The following CMYA5 variants were observed in gnomAD, a reference collection of about 807,000 sequenced individuals.
CMYA5 encodes cardiomyopathy associated 5.
A neutral mutation model predicts 318.9 loss-of-function variants in CMYA5; 246 were observed. That is an observed-to-expected ratio of 0.77 (90% confidence interval 0.70 to 0.86). The LOEUF (loss-of-function observed/expected upper bound fraction) is 0.86. Ranked by LOEUF, CMYA5 falls within the 40% of genes least tolerant of loss-of-function variation. CMYA5 has a pLI of 0.00. For synonymous variants in CMYA5, 1,641 were observed against 1,729.5 expected (o/e 0.95, Z 1.27); for missense variants, 4,589 against 4,678.2 (o/e 0.98, Z 0.56).
In CMYA5 at chr5:79,735,833, A is replaced by G; in HGVS notation, c.7068A>G (p.Lys2356=). Residue 2356 remains lysine, a synonymous_variant, in exon 2 of 13, where the codon AAA becomes AAG. Coordinates refer to ENST00000446378, the MANE Select transcript of CMYA5 (RefSeq NM_153610.5). ...VQKPAIAPPS[K]WNISIFKEEP... ...AGCCAGCAATCGCTCCTCCATCTAAATGGAATATTTCTATTTTTAAGGAAG... is the reference window on the plus strand; with the variant it reads ...AGCCAGCAATCGCTCCTCCATCTAAGTGGAATATTTCTATTTTTAAGGAAG... 1 of 1,553,066 alleles carries G rather than the reference A, an allele frequency of 6.4e-7. No individual in the cohort carries two copies.
intron 3 of CMYA5, among the ~76,000 whole-genome samples, chr5:79,744,317 A>C (rs1428534631): frequency 2.6e-5 from 4 of 152,224 alleles, no homozygotes; most frequent in Non-Finnish European, 5.9e-5. Context: ...TTAACTCTGC[A>C]GAAATGCTCT....
chr5:79,750,735 G>C (rs772896344), intron 5 of CMYA5, among the ~76,000 whole-genome samples: 5 of 151,792 alleles, frequency 3.3e-5, no homozygotes, highest in Admixed American at 6.6e-5. Flanking sequence ...TTTTTTCTCC[G>C]TTTTGCTCTT....
At position 79,735,044 on chromosome 5, in the gene CMYA5, A is replaced by G. The variant is rs765794787; in HGVS notation, c.6279A>G (p.Thr2093=). The part of the protein sequence containing the change: ...LGNEKEAHRS[T]PPFPEEKPLE... Reference sequence around the variant, plus strand: ...ATGAAAAAGAAGCACACAGGAGCACACCTCCTTTTCCTGAAGAGAAGCCAT... The same window carrying G: ...ATGAAAAAGAAGCACACAGGAGCACGCCTCCTTTTCCTGAAGAGAAGCCAT... Residue 2093 remains threonine (T), a synonymous_variant, in exon 2 of 13, where the codon ACA becomes ACG. Coordinates refer to ENST00000446378, the MANE Select transcript of CMYA5 (RefSeq NM_153610.5). 4 of 1,613,752 alleles carry G rather than the reference A, an allele frequency of 2.5e-6. No individual in the cohort carries two copies. The highest frequency in any genetic ancestry group is 1.1e-5 in the South Asian group (1 of 91,076).
Position 79,735,121 on chromosome 5 carries a change from G to T in CMYA5, c.6356G>T (p.Gly2119Val), listed in dbSNP as rs943397209. ...QSKVIDDADE[G>V]KKPSPEVKIP... Reference sequence around the variant, plus strand: ...AAGGTTATTGATGATGCTGATGAGGGAAAGAAACCATCACCTGAAGTAAAA... The same window carrying T: ...AAGGTTATTGATGATGCTGATGAGGTAAAGAAACCATCACCTGAAGTAAAA... The change falls in exon 2 of 13, where the codon GGA becomes GTA. Residue 2119 changes from glycine to valine, a missense_variant. By Grantham distance (109) the Gly-to-Val change is moderately radical. Transcript: ENST00000446378. The T allele has an allele frequency of 6.2e-7, 1 of 1,613,632 alleles. No individual in the cohort carries two copies. The highest frequency in any genetic ancestry group is 1.3e-5 in the African/African-American group (1 of 74,884).
At chr5:79,774,967 T>C (rs1828913660) in intron 9 of CMYA5, among the ~76,000 whole-genome samples, 1 of 152,332 alleles carries the variant, frequency 6.6e-6, no homozygotes, top group East Asian at 1.9e-4. Context: ...AGCAAGAGAT[T>C]GGAGCTTCCT....
chr5:79,702,260 T>C lies in CMYA5; in HGVS notation c.149+12204T>C, dbSNP rs182950507. On this transcript the variant is annotated intron_variant, in intron 1 of 12. Transcript: ENST00000446378. ...AAAAAATTTAAAAATTAGCTGAGCA[T>C]GGTATAGTTCTAGCTATTCTGGAGT... Among the ~76,000 whole-genome samples the C allele has an allele frequency of 2.0e-5, 3 of 152,206 alleles. No homozygotes were observed. In the East Asian group the frequency reaches 5.8e-4, roughly 29 times the overall value.
rs1056676065 is a variant in CMYA5 at position 79,769,696 on chromosome 5, C to G, written c.11555+6487C>G. Among the ~76,000 whole-genome samples the G allele has an allele frequency of 5.3e-5, 8 of 152,268 alleles. No individual in the cohort carries two copies. In the East Asian group the frequency reaches 1.4e-3, roughly 26 times the overall value. On this transcript the variant is annotated intron_variant, in intron 9 of 12. Coordinates refer to ENST00000446378, the MANE Select transcript of CMYA5 (RefSeq NM_153610.5). Reference sequence around the variant, plus strand: ...AAGCTTCATCCCATAGAGGCACCCGCCAGATGCCAGCTGGAGTTCTCTCGT... The same window carrying G: ...AAGCTTCATCCCATAGAGGCACCCGGCAGATGCCAGCTGGAGTTCTCTCGT...
Position 79,733,959 on chromosome 5 carries a change from G to A in CMYA5, c.5194G>A (p.Val1732Ile). The A allele has an allele frequency of 6.2e-7, 1 of 1,613,530 alleles. No individual in the cohort carries two copies. Among genetic ancestry groups the A allele is most frequent in the Non-Finnish European group, 8.5e-7 (1 of 1,179,804 alleles). ...SLESKEPPAS[V>I]AEGGNPEEFQ... ...AGAGTCGAAAGAACCACCTGCCTCT[G>A]TAGCTGAAGGAGGCAACCCAGAAGA... Residue 1732 changes from valine to isoleucine, a missense_variant, in exon 2 of 13, where the codon GTA becomes ATA. By Grantham distance (29) the Val-to-Ile change is conservative (BLOSUM62 3). Around this residue, in one of 3 missense-constraint regions of CMYA5, gnomAD observed 2,132 missense variants for 2,131.3 expected, o/e 1.00. Coordinates refer to ENST00000446378, the MANE Select transcript of CMYA5 (RefSeq NM_153610.5).
chr5:79,709,475 T>C (rs1487971336), intron 1 of CMYA5, among the ~76,000 whole-genome samples: 1 of 152,174 alleles, frequency 6.6e-6, no homozygotes, highest in Non-Finnish European at 1.5e-5. Flanking sequence ...AAAGTATGGT[T>C]TTCTTTCAGG....
intron 11 of CMYA5, 117 bp downstream of exon 11, chr5:79,791,186 G>A (rs1829172246): frequency 4.5e-6 from 3 of 673,396 alleles, no homozygotes; most frequent in Non-Finnish European, 8.0e-6. Flanking sequence ...ATGTCGGGAT[G>A]TGGTCTCAAA....
In CMYA5 at chr5:79,743,923, G is replaced by A; in HGVS notation, c.10734+1G>A. ...AGAATCCTTTTTTAATACCATTGAG[G>A]TAAGTTAACACACCCATTTTACCTT... On this transcript the variant is annotated splice_donor_variant, in intron 3 of 12. Coordinates refer to ENST00000446378, the MANE Select transcript of CMYA5 (RefSeq NM_153610.5). LOFTEE classifies it high-confidence loss of function. 6.8e-7 allele frequency: 1 copy of A among 1,477,006 alleles called. No individual in the cohort carries two copies. Among genetic ancestry groups the A allele is most frequent in the Non-Finnish European group, 9.2e-7 (1 of 1,085,572 alleles). The allele number at this position is 1,477,006 out of a possible 1,614,324, so 91.5% of individuals were successfully genotyped here.
chr5:79,732,906 A>G lies in CMYA5; in HGVS notation c.4141A>G (p.Thr1381Ala), dbSNP rs1328851666. Residue 1381 changes from threonine to alanine, a missense_variant, in exon 2 of 13, where the codon ACT becomes GCT. By Grantham distance (58) the Thr-to-Ala change is moderately conservative. This residue lies in a region of CMYA5 where 2,132 missense variants were observed against 2,131.3 expected (regional missense o/e 1.00). Coordinates refer to ENST00000446378, the MANE Select transcript of CMYA5 (RefSeq NM_153610.5). ...AATCCCAACAGATTCATCTCTTATC[A>G]CTCCTGTAGATCGTCCAGTCTTAAC... is the stretch of plus-strand genomic sequence containing the variant. Reference protein sequence around the residue: ...EEIPTDSSLITPVDRPVLTKV... With the variant: ...EEIPTDSSLIAPVDRPVLTKV... 4 of 1,613,592 alleles carry G rather than the reference A, an allele frequency of 2.5e-6. No individual in the cohort carries two copies. In the African/African-American group the frequency reaches 4.0e-5, roughly 16 times the overall value.
At chr5:79,727,069 CCA>C (rs1486151510) in intron 1 of CMYA5, among the ~76,000 whole-genome samples, 3 of 151,924 alleles carry the variant, frequency 2.0e-5, no homozygotes, top group African/African-American at 7.3e-5. Flanking sequence ...GCACCCACCA[CCA>C]CACCCAGCTA....
rs1282948127 is a variant in CMYA5 at position 79,717,884 on chromosome 5, A to ATTTTTTTTT, written c.150-11017_150-11009dup. On this transcript the variant is annotated intron_variant, in intron 1 of 12. Transcript: ENST00000446378. The stretch of plus-strand genomic sequence containing the variant: ...ATAAAAGTTCCTTTTAACCTAAGCT[A>ATTTTTTTTT]TTTTTTTTTTTTTTTTTTTTTTGAG... Among the ~76,000 whole-genome samples the ATTTTTTTTT allele has an allele frequency of 6.3e-4, 58 of 91,756 alleles. 15 individuals carry two copies. Among genetic ancestry groups the ATTTTTTTTT allele is most frequent in the African/African-American group, 3.5e-3 (55 of 15,734 alleles). The allele number at this position is 91,756 out of a possible 152,430, so 60.2% of individuals were successfully genotyped here.
chr5:79,750,705 G>C (rs111566179), intron 5 of CMYA5, among the ~76,000 whole-genome samples: 2 of 152,148 alleles, frequency 1.3e-5, no homozygotes, highest in African/African-American at 4.8e-5. Flanking sequence ...AGAAAATGCT[G>C]TTTGTTGAGG....
intron 1 of CMYA5, among the ~76,000 whole-genome samples, chr5:79,706,025 C>T (rs1043820804): frequency 3.3e-5 from 5 of 152,142 alleles, no homozygotes; most frequent in East Asian, 1.9e-4. Flanking sequence ...GCCAGCAGCC[C>T]GCAATGCAAC....
chr5:79,737,979 G>C lies in CMYA5; in HGVS notation c.9214G>C (p.Ala3072Pro), dbSNP rs772842774. ...CTCCCCAGACCCAGAAAAACAGAAA[G>C]CTCCACAGAAATTAAATGTTGAAGA... is the stretch of plus-strand genomic sequence containing the variant. Reference protein sequence around the residue: ...NISPDPEKQKAPQKLNVEEKL... With the variant: ...NISPDPEKQKPPQKLNVEEKL... Residue 3072 changes from alanine to proline, a missense_variant, in exon 2 of 13, where the codon GCT (alanine) becomes CCT (proline). This residue lies in a region of CMYA5 where 2,431 missense variants were observed against 2,495.1 expected (regional missense o/e 0.97). Coordinates refer to ENST00000446378, the MANE Select transcript of CMYA5 (RefSeq NM_153610.5). 4 of 1,613,198 alleles carry C rather than the reference G, an allele frequency of 2.5e-6. No individual in the cohort carries two copies. The highest frequency in any genetic ancestry group is 2.7e-5 in the African/African-American group (2 of 74,850).
intron 9 of CMYA5, among the ~76,000 whole-genome samples, chr5:79,767,533 T>G (rs1300058011): frequency 6.6e-6 from 1 of 152,236 alleles, no homozygotes; most frequent in Non-Finnish European, 1.5e-5. Flanking sequence ...AAAGAAGTTA[T>G]TTATTTCTGA....
intron 9 of CMYA5, among the ~76,000 whole-genome samples, chr5:79,767,096 G>A (rs142359975): frequency 0.01 from 1,570 of 152,332 alleles, 16 homozygotes; most frequent in Middle Eastern, 0.027. Context: ...TTTGCATAGA[G>A]ATGTTTATAG....
Sources: allele counts gnomAD v4.1 joint callset (sites outside exome capture counted in the v4.1 genomes callset), GRCh38; gene constraint gnomAD v4.1.1; regional missense constraint gnomAD v4.1.1; transcripts MANE v1.5; gene names NCBI Gene and HGNC (gene_info 2026-07-23, HGNC 2026-07-21).